Variants in AP1M1 observed in about 807,000 individuals in gnomAD.
The protein encoded by AP1M1 is AP-1 complex subunit mu-1.
Under a neutral mutation model 57.1 loss-of-function variants are expected in AP1M1, and 18 were observed. That is an observed-to-expected ratio of 0.32 (90% CI 0.22 to 0.47). The LOEUF (loss-of-function observed/expected upper bound fraction) is 0.47, where lower values mean the gene tolerates loss of function less well. Ranked by LOEUF, AP1M1 falls within the 20% of genes least tolerant of loss-of-function variation. The pLI is 1.00. For missense variants in AP1M1, 362 were observed against 593.5 expected (o/e 0.61, Z 4.05); for synonymous variants, 241 against 237.9 (o/e 1.01, Z -0.12).
In AP1M1 at chr19:16,228,072, C is replaced by T; in HGVS notation, c.817-65C>T. The T allele has an allele frequency of 1.3e-6, 2 of 1,534,342 alleles. No homozygotes were observed. Among genetic ancestry groups the T allele is most frequent in the Non-Finnish European group, 1.8e-6 (2 of 1,113,938 alleles). On this transcript the variant is annotated intron_variant, in intron 7 of 11. Transcript: ENST00000291439. This position sits in a 1 kb window ranked among gnomAD's most constrained non-coding sequence, Gnocchi z 5.0. ...GTCCCTTGCCCTGGGCCTTGGTTTC[C>T]CCTCTGAAATGGGCCTTTGTCAAAC...
At chr19:16,233,851 G>A (rs921403961) in intron 10 of AP1M1, among the ~76,000 whole-genome samples, 13 of 151,808 alleles carry the variant, frequency 8.6e-5, no homozygotes, top group African/African-American at 2.2e-4. Context: ...AGGCTCTGCC[G>A]TCCACTCATG....
At chr19:16,199,260 C>G (rs1474447496) in intron 1 of AP1M1, among the ~76,000 whole-genome samples, 1 of 152,134 alleles carries the variant, frequency 6.6e-6, no homozygotes, top group Non-Finnish European at 1.5e-5. Flanking sequence ...GAGGGTTTCC[C>G]TGAGGAGGGG....
intron 2 of AP1M1, among the ~76,000 whole-genome samples, chr19:16,205,187 G>A (rs887938097): frequency 1.3e-5 from 2 of 152,156 alleles, no homozygotes; most frequent in Non-Finnish European, 2.9e-5. Flanking sequence ...CCAGGTATTG[G>A]GAGAGGGAGA....
In AP1M1 at chr19:16,233,622, C is replaced by G; in HGVS notation, c.1173+4C>G. The G allele has an allele frequency of 6.2e-7, 1 of 1,609,410 alleles. No individual in the cohort carries two copies. Among genetic ancestry groups the G allele is most frequent in the Non-Finnish European group, 8.5e-7 (1 of 1,177,780 alleles). On this transcript the variant is annotated splice_donor_region_variant and intron_variant, in intron 10 of 11. Coordinates refer to ENST00000291439, the MANE Select transcript of AP1M1 (RefSeq NM_032493.4). Reference sequence around the variant, plus strand: ...CTTCACTACCTCCGGCATCCAGGTACGTAAGGCCCAGGCGGCCGGGGCCCA... The same window carrying G: ...CTTCACTACCTCCGGCATCCAGGTAGGTAAGGCCCAGGCGGCCGGGGCCCA...
rs185691171 is a variant in AP1M1, at chr19:16,242,575, G to A, written c.*8140G>A. On this transcript the variant is annotated 3_prime_UTR_variant, in exon 12 of 12. Coordinates refer to ENST00000291439, the MANE Select transcript of AP1M1 (RefSeq NM_032493.4). ...AAATCCTGTGATATCCTGTTTATAC[G>A]CGATACATCTAAAATGTAAGTACAC... 3.9e-5 allele frequency: 6 copies of A among 152,140 alleles called. No homozygotes were observed. The highest frequency in any genetic ancestry group is 4.8e-5 in the African/African-American group (2 of 41,506). The allele number at this position is 152,140 out of a possible 1,614,324, so 9.4% of individuals were successfully genotyped here.
intron 1 of AP1M1, among the ~76,000 whole-genome samples, chr19:16,200,797 G>C (rs2145110281): frequency 6.6e-6 from 1 of 152,312 alleles, no homozygotes; most frequent in East Asian, 1.9e-4. Flanking sequence ...CCGCTTCCAG[G>C]AGGCTGCGCT....
chr19:16,202,416 A>G (rs2091452531), intron 1 of AP1M1, among the ~76,000 whole-genome samples: 1 of 152,168 alleles, frequency 6.6e-6, no homozygotes, highest in Non-Finnish European at 1.5e-5. Context: ...AATAACCTGC[A>G]CTTATCTAAA....
rs1454423968 is a variant in AP1M1 at position 16,244,509 on chromosome 19, GTC to G, written c.*10076_*10077del. 6 of 152,192 alleles carry G rather than the reference GTC, an allele frequency of 3.9e-5. No individual in the cohort carries two copies. Among genetic ancestry groups the G allele is most frequent in the African/African-American group, 1.4e-4 (6 of 41,470 alleles). The allele number at this position is 152,192 out of a possible 1,614,324, so 9.4% of individuals were successfully genotyped here. On this transcript the variant is annotated 3_prime_UTR_variant, in exon 12 of 12. Transcript: ENST00000291439. Reference sequence around the variant, plus strand: ...ATAGAATTATACAACAGGAAAAAAAGTCTGCAGGGAGTAAACTGAGTTAAAAT... The same window carrying G: ...ATAGAATTATACAACAGGAAAAAAAGTGCAGGGAGTAAACTGAGTTAAAAT...
chr19:16,200,778 T>G (rs967219446), intron 1 of AP1M1, among the ~76,000 whole-genome samples: 2 of 152,228 alleles, frequency 1.3e-5, no homozygotes, highest in African/African-American at 2.4e-5. Context: ...TCCTCTTCAG[T>G]GCTCCCTTCC....
chr19:16,214,550 C>T (rs536568646), intron 5 of AP1M1, among the ~76,000 whole-genome samples: 8 of 150,828 alleles, frequency 5.3e-5, no homozygotes, highest in African/African-American at 2.0e-4. Context: ...TGGAGTTACA[C>T]CATGTTGGCC....
intron 5 of AP1M1, among the ~76,000 whole-genome samples, chr19:16,219,607 A>C (rs285275): frequency 0.031 from 4,698 of 152,212 alleles, 252 homozygotes; most frequent in African/African-American, 0.11. Flanking sequence ...CATGTTGGCC[A>C]GGCTGGTCTC....
intron 9 of AP1M1, among the ~76,000 whole-genome samples, chr19:16,231,091 A>C (rs370876762): frequency 6.6e-6 from 1 of 151,996 alleles, no homozygotes; most frequent in Non-Finnish European, 1.5e-5. Context: ...GATCAAGACC[A>C]TCCTGGCTAA....
chr19:16,216,370 A>G (rs572231309), intron 5 of AP1M1, among the ~76,000 whole-genome samples: 1 of 151,950 alleles, frequency 6.6e-6, no homozygotes, highest in Admixed American at 6.6e-5. Context: ...GCGTGAACCC[A>G]GGAGGCGGAG....
chr19:16,211,734 A>G (rs1384275491), intron 5 of AP1M1, among the ~76,000 whole-genome samples: 1 of 152,072 alleles, frequency 6.6e-6, no homozygotes, highest in Non-Finnish European at 1.5e-5. Context: ...TGGGCGACAG[A>G]GCAAGACCCT....
rs150468368 is a variant in AP1M1, at chr19:16,228,898, C to T, written c.1017C>T (p.Ser339=). The T allele has an allele frequency of 7.3e-4, 1,172 of 1,614,132 alleles. 1 individual carries two copies. Among genetic ancestry groups the T allele is most frequent in the Non-Finnish European group, 8.9e-4 (1,055 of 1,180,006 alleles). ...VGSVKWVPEN[S]EIVWSIKSFP... is the part of the protein sequence containing the mutation. ...GCGTTAAGTGGGTCCCCGAGAACAG[C>T]GAGATCGTGTGGTCCATCAAGTCCT... Residue 339 remains serine, a synonymous_variant, in exon 9 of 12, where the codon AGC becomes AGT. Coordinates refer to ENST00000291439, the MANE Select transcript of AP1M1 (RefSeq NM_032493.4). The surrounding 1 kb of genome is among the most constrained non-coding windows in gnomAD (Gnocchi z 5.0).
chr19:16,228,246 T>G lies in AP1M1; in HGVS notation c.888+38T>G. ...AGGCCACCCACTGAGGGCCTTCTGG[T>G]GTCTCTGGCCCGTCCCAGGAGCCTA... On this transcript the variant is annotated intron_variant, in intron 8 of 11. Coordinates refer to ENST00000291439, the MANE Select transcript of AP1M1 (RefSeq NM_032493.4). The surrounding 1 kb of genome is among the most constrained non-coding windows in gnomAD (Gnocchi z 5.0). The G allele has an allele frequency of 1.9e-6, 3 of 1,605,810 alleles. No individual in the cohort carries two copies. Among genetic ancestry groups the G allele is most frequent in the Admixed American group, 1.7e-5 (1 of 59,940 alleles).
Position 16,234,603 on chromosome 19 carries a change from CTCGTCTCAG to C in AP1M1, c.*169_*177del. On this transcript the variant is annotated 3_prime_UTR_variant, in exon 12 of 12. Transcript: ENST00000291439. ...CAGGCCATCTGCTCTGCCGTCGACA[CTCGTCTCAG>C]AAGCCCCTTTCCCAGAAGAGGCTGG... is the stretch of plus-strand genomic sequence containing the variant. 1 of 760,482 alleles carries C rather than the reference CTCGTCTCAG, an allele frequency of 1.3e-6. No homozygotes were observed. Among genetic ancestry groups the C allele is most frequent in the South Asian group, 1.7e-5 (1 of 58,850 alleles). 47.1% of individuals were successfully genotyped at this position (760,482 alleles called of 1,614,324 possible).
At position 16,244,594 on chromosome 19, in the gene AP1M1, G is replaced by A. The variant is rs1019746765; in HGVS notation, c.*10159G>A. On this transcript the variant is annotated 3_prime_UTR_variant, in exon 12 of 12. Coordinates refer to ENST00000291439, the MANE Select transcript of AP1M1 (RefSeq NM_032493.4). ...AAATAACATGGATACACTTTGGGAG[G>A]CCGAGGCGGGCGGATCACGAGGTCA... 8 of 152,168 alleles carry A rather than the reference G, an allele frequency of 5.3e-5. No individual in the cohort carries two copies. The highest frequency in any genetic ancestry group is 1.0e-4 in the Non-Finnish European group (7 of 68,058). The allele number at this position is 152,168 out of a possible 1,614,324, so 9.4% of individuals were successfully genotyped here.
In AP1M1 at chr19:16,206,438, T is replaced by C; in HGVS notation, c.267+30T>C. The C allele has an allele frequency of 1.2e-6, 2 of 1,612,250 alleles. No homozygotes were observed. The highest frequency in any genetic ancestry group is 1.7e-6 in the Non-Finnish European group (2 of 1,178,622). On this transcript the variant is annotated intron_variant, in intron 3 of 11. Transcript: ENST00000291439. This position sits in a 1 kb window ranked among gnomAD's most constrained non-coding sequence, Gnocchi z 4.3. Reference sequence around the variant, plus strand: ...GTCTCGCTCGGAGGGGCCGTGGGCTTGGGTGGAGGTTGTCTTGGCTCTGCT... The same window carrying C: ...GTCTCGCTCGGAGGGGCCGTGGGCTCGGGTGGAGGTTGTCTTGGCTCTGCT...
Sources: allele counts gnomAD v4.1 joint callset (sites outside exome capture counted in the v4.1 genomes callset), GRCh38; gene constraint gnomAD v4.1.1; non-coding constraint Gnocchi (gnomAD v3.1); transcripts MANE v1.5; gene names NCBI Gene and HGNC (gene_info 2026-07-23, HGNC 2026-07-21).